CCDC178: variants seen among roughly 807,000 people sequenced by gnomAD.
CCDC178 encodes the protein coiled-coil domain containing 178.
A neutral mutation model predicts 117.4 loss-of-function variants in CCDC178; 126 were observed. The observed-to-expected ratio is 1.07, with a 90% CI of 0.93 to 1.24. CCDC178 has a LOEUF of 1.24. CCDC178 is among the 50% of genes most tolerant of loss of function. The pLI is 0.00. For missense variants in CCDC178, 1,030 were observed against 986.9 expected, an observed-to-expected ratio of 1.04 and a Z score of -0.59; for synonymous variants, 283 against 313.4, an observed-to-expected ratio of 0.90 and a Z score of 1.02.
At chr18:32,951,984 C>T (rs1280361867) in intron 22 of CCDC178, among the ~76,000 whole-genome samples, 1 of 152,226 alleles carries the variant, frequency 6.6e-6, no homozygotes, top group Non-Finnish European at 1.5e-5. Context: ...CTCCATGTCT[C>T]ATATCCAGGT....
chr18:33,209,543 C>T (rs1189853565), intron 20 of CCDC178, among the ~76,000 whole-genome samples: 1 of 152,022 alleles, frequency 6.6e-6, no homozygotes, highest in East Asian at 1.9e-4. Flanking sequence ...GGATCCTTTA[C>T]ATTACATACA....
chr18:33,434,440 T>G (rs1409302136), intron 2 of CCDC178, among the ~76,000 whole-genome samples: 1 of 152,142 alleles, frequency 6.6e-6, no homozygotes, highest in Non-Finnish European at 1.5e-5. Flanking sequence ...TATACATGAT[T>G]TCATGGCATA....
chr18:33,222,715 C>T (rs1197713300), intron 18 of CCDC178, among the ~76,000 whole-genome samples: 1 of 152,080 alleles, frequency 6.6e-6, no homozygotes, highest in African/African-American at 2.4e-5. Context: ...CCTTTTCTCC[C>T]TCTGTTCTTT....
At chr18:33,078,641 C>A (rs1287063826) in intron 21 of CCDC178, among the ~76,000 whole-genome samples, 2 of 152,034 alleles carry the variant, frequency 1.3e-5, no homozygotes, top group African/African-American at 4.8e-5. Flanking sequence ...CCAACAATAG[C>A]CATGCTGAGA....
At chr18:33,371,015 G>A (rs2063289982) in intron 5 of CCDC178, among the ~76,000 whole-genome samples, 2 of 151,952 alleles carry the variant, frequency 1.3e-5, no homozygotes, top group African/African-American at 4.8e-5. Context: ...GCGCCTCAAT[G>A]AGAACAGTGT....
intron 15 of CCDC178, among the ~76,000 whole-genome samples, chr18:33,240,533 A>G (rs2059475268): frequency 6.6e-6 from 1 of 151,864 alleles, no homozygotes; most frequent in Non-Finnish European, 1.5e-5. Flanking sequence ...AAATGGAAAC[A>G]TCACAATAGA....
At chr18:33,337,543 G>C (rs1221471945) in intron 9 of CCDC178, among the ~76,000 whole-genome samples, 1 of 151,984 alleles carries the variant, frequency 6.6e-6, no homozygotes, top group African/African-American at 2.4e-5. Flanking sequence ...AACACAACAT[G>C]GTATTGGTAT....
At chr18:33,359,900 C>T (rs2063103029) in intron 6 of CCDC178, among the ~76,000 whole-genome samples, 1 of 151,242 alleles carries the variant, frequency 6.6e-6, no homozygotes, top group Non-Finnish European at 1.5e-5. Flanking sequence ...ATAAATCTAA[C>T]ATTTCCATTG....
intron 12 of CCDC178, 106 bp from the exon 13 acceptor site, chr18:33,267,403 T>TA: frequency 1.6e-6 from 1 of 632,196 alleles, no homozygotes. Flanking sequence ...TTCAGTTACA[T>TA]AAAAATTGAA....
chr18:33,125,060 T>C (rs1226522830), intron 20 of CCDC178, among the ~76,000 whole-genome samples: 1 of 152,136 alleles, frequency 6.6e-6, no homozygotes, highest in Non-Finnish European at 1.5e-5. Context: ...GAGATTTTTT[T>C]TTTCCTGTTT....
intron 22 of CCDC178, among the ~76,000 whole-genome samples, chr18:32,940,547 T>C (rs912498434): frequency 2.0e-5 from 3 of 152,018 alleles, no homozygotes; most frequent in Non-Finnish European, 2.9e-5. Context: ...AGGTTTGTTA[T>C]ATAGGTAAAC....
intron 21 of CCDC178, among the ~76,000 whole-genome samples, chr18:33,047,022 CT>C (rs756428170): frequency 6.6e-5 from 10 of 152,184 alleles, no homozygotes; most frequent in East Asian, 5.8e-4. Flanking sequence ...TGGAACTGTG[CT>C]ATTTTTTATT....
intron 2 of CCDC178, among the ~76,000 whole-genome samples, chr18:33,428,827 T>TAAA (rs371647607): frequency 8.3e-6 from 1 of 120,150 alleles, no homozygotes; most frequent in African/African-American, 3.0e-5. Context: ...TGAAAAAAAG[T>TAAA]AAAAAAAAAA....
At chr18:33,254,434 A>G (rs2059655064) in intron 14 of CCDC178, among the ~76,000 whole-genome samples, 1 of 151,964 alleles carries the variant, frequency 6.6e-6, no homozygotes, top group African/African-American at 2.4e-5. Flanking sequence ...AGTTAAATGG[A>G]TACTTATTGA....
rs1021426198 is a variant in CCDC178, at chr18:32,944,853, C to T, written c.2524-6762G>A. Among the ~76,000 whole-genome samples, 8 of 152,096 alleles carry T rather than the reference C, an allele frequency of 5.3e-5. No homozygotes were observed. The East Asian group carries it at 5.8e-4, about 11-fold the overall frequency. ...ATCTGATGGTTTTATAAGCAGTTTC[C>T]GCTTTGGCTTGGCCCTCATTCTCTC... On this transcript the variant is annotated intron_variant, in intron 22 of 22. Transcript: ENST00000383096.
At chr18:33,428,550 G>A (rs1188056283) in intron 2 of CCDC178, among the ~76,000 whole-genome samples, 4 of 151,660 alleles carry the variant, frequency 2.6e-5, no homozygotes, top group African/African-American at 9.7e-5. Context: ...TGGCCAACAT[G>A]GTGAAACCCC....
chr18:32,945,440 T>C (rs751204618), intron 22 of CCDC178, among the ~76,000 whole-genome samples: 21 of 152,374 alleles, frequency 1.4e-4, no homozygotes, highest in Admixed American at 8.5e-4. Context: ...AGCATTGCAT[T>C]TTAATTTTGT....
At chr18:33,100,326 T>G (rs902227673) in intron 20 of CCDC178, among the ~76,000 whole-genome samples, 8 of 151,934 alleles carry the variant, frequency 5.3e-5, no homozygotes, top group African/African-American at 1.9e-4. Context: ...GAACATCTTT[T>G]GTTAACCTTG....
intron 11 of CCDC178, among the ~76,000 whole-genome samples, chr18:33,302,405 T>C (rs1042117444): frequency 1.3e-5 from 2 of 152,254 alleles, no homozygotes. Context: ...GGAGCTCTTC[T>C]ACACTGCTGG....
Sources: gnomAD v4.1 joint callset for allele counts (sites outside exome capture counted in the v4.1 genomes callset) on GRCh38, gnomAD v4.1.1 for gene constraint, MANE v1.5 for transcripts, NCBI Gene and HGNC (gene_info 2026-07-23, HGNC 2026-07-21) for gene names.